Variants in NFAT5 observed in about 807,000 individuals in gnomAD.
The protein encoded by NFAT5 is nuclear factor of activated T-cells 5.
In NFAT5, 31 loss-of-function variants were observed where a neutral mutation model predicts 166.5. The ratio of observed to expected loss-of-function variants is 0.19; its 90% CI spans 0.14 to 0.25. The LOEUF is 0.25. Among genes scored for constraint, NFAT5 ranks in the 10% least tolerant of loss-of-function variants. The pLI is 1.00. For synonymous variants in NFAT5, 612 were observed against 639.7 expected (o/e 0.96, Z 0.65); for missense variants, 1,449 against 1,821.8 (o/e 0.80, Z 3.72).
At position 69,648,862 on chromosome 16, in the gene NFAT5, T is replaced by C. The variant is rs535680916; in HGVS notation, c.812+1276T>C. ...ATTCAGTTGAATATTATAGAGAATA[T>C]TCTTAATATATATTTAACTTGCCCT... On this transcript the variant is annotated intron_variant, in intron 4 of 14. Transcript: ENST00000349945. 183 of 921,308 alleles carry C rather than the reference T, an allele frequency of 2.0e-4. 2 individuals carry two copies. In the African/African-American group the frequency reaches 3.1e-3, roughly 16 times the overall value. The allele number at this position is 921,308 out of a possible 1,614,324, so 57.1% of individuals were successfully genotyped here.
chr16:69,651,055 A>G (rs1474648164), intron 4 of NFAT5, among the ~76,000 whole-genome samples: 1 of 152,224 alleles, frequency 6.6e-6, no homozygotes, highest in Non-Finnish European at 1.5e-5. Flanking sequence ...GACTTGCACA[A>G]GTAATCTTTG....
At chr16:69,588,980 CTTTTTTTTTTTTT>C (rs945918292) in intron 2 of NFAT5, among the ~76,000 whole-genome samples, 28 of 34,366 alleles carry the variant, frequency 8.1e-4, no homozygotes, top group East Asian at 5.3e-3. Context: ...TTTCCTACTT[CTTTTTTTTTTTTT>C]TTTTTTTTTT....
rs1037346698 is a variant in NFAT5, at chr16:69,697,368, T to C, written c.*1017T>C. On this transcript the variant is annotated 3_prime_UTR_variant, in exon 15 of 15. Coordinates refer to ENST00000349945, the MANE Select transcript of NFAT5 (RefSeq NM_138713.4). ...TGTCTTAGGAATTATTAGGAGTTGA[T>C]TCCTGAGAAACAACACATTTTTCCC... The C allele has an allele frequency of 6.6e-6, 1 of 152,140 alleles. No individual in the cohort carries two copies. Among genetic ancestry groups the C allele is most frequent in the Non-Finnish European group, 1.5e-5 (1 of 68,024 alleles). The allele number at this position is 152,140 out of a possible 1,614,324, so 9.4% of individuals were successfully genotyped here.
chr16:69,568,334 GTATA>G (rs371948858), intron 1 of NFAT5, among the ~76,000 whole-genome samples, 157 bp from the exon 2 acceptor site: 9,241 of 133,368 alleles, frequency 0.069, 379 homozygotes, highest in Middle Eastern at 0.12. Context: ...ATGTATGTGT[GTATA>G]TATATATATG....
At chr16:69,607,338 CTT>C (rs1385507010) in intron 2 of NFAT5, among the ~76,000 whole-genome samples, 1 of 152,256 alleles carries the variant, frequency 6.6e-6, no homozygotes, top group East Asian at 1.9e-4. Flanking sequence ...TGGTTGTAGA[CTT>C]TTCCAAGGAA....
intron 6 of NFAT5, among the ~76,000 whole-genome samples, chr16:69,657,057 C>T (rs2035911016): frequency 6.6e-6 from 1 of 151,938 alleles, no homozygotes; most frequent in Non-Finnish European, 1.5e-5. Context: ...ACTTGGTTTT[C>T]AGTTTTCTTT....
intron 4 of NFAT5, chr16:69,648,646 AATTTT>A (rs2035548427): frequency 2.1e-6 from 2 of 968,168 alleles, no homozygotes; most frequent in Non-Finnish European, 2.5e-6. Flanking sequence ...TTCCTTTAGT[AATTTT>A]ATTGTAATAT....
intron 11 of NFAT5, 191 bp downstream of exon 11, chr16:69,685,161 AAT>A (rs1265094756): frequency 4.7e-5 from 9 of 192,274 alleles, no homozygotes; most frequent in Non-Finnish European, 6.9e-5. Flanking sequence ...TTTCTTGCTG[AAT>A]ATGTTTTTAT....
chr16:69,567,439 A>G (rs942187964), intron 1 of NFAT5, among the ~76,000 whole-genome samples: 1 of 152,110 alleles, frequency 6.6e-6, no homozygotes, highest in African/African-American at 2.4e-5. Context: ...CAAAAGACAT[A>G]ACTGGGTTGT....
intron 2 of NFAT5, among the ~76,000 whole-genome samples, chr16:69,608,817 A>G (rs1567537536): frequency 6.7e-6 from 1 of 148,422 alleles, no homozygotes; most frequent in Non-Finnish European, 1.5e-5. Context: ...TTTTTCCTCT[A>G]GGTTGAAGAA....
intron 2 of NFAT5, among the ~76,000 whole-genome samples, chr16:69,612,446 G>C (rs1453697445): frequency 2.0e-5 from 3 of 152,148 alleles, no homozygotes; most frequent in Non-Finnish European, 2.9e-5. Context: ...GTATGGAAAG[G>C]AAGCATAAGT....
intron 2 of NFAT5, among the ~76,000 whole-genome samples, chr16:69,610,440 G>A (rs2151555563): frequency 6.6e-6 from 1 of 152,278 alleles, no homozygotes; most frequent in Middle Eastern, 3.4e-3. Flanking sequence ...ACTTAAGGTA[G>A]ATGATTTGCT....
chr16:69,656,491 G>A (rs1299300973), intron 6 of NFAT5, among the ~76,000 whole-genome samples: 1 of 147,414 alleles, frequency 6.8e-6, no homozygotes, highest in East Asian at 2.0e-4. Context: ...TCCGTCTGTC[G>A]CCCAGGCTGG....
chr16:69,685,411 G>T (rs1464196502), intron 11 of NFAT5: 3 of 151,766 alleles, frequency 2.0e-5, no homozygotes, highest in Non-Finnish European at 2.9e-5. Flanking sequence ...GCCAGGGGTG[G>T]TGGCAGGTGC....
intron 9 of NFAT5, among the ~76,000 whole-genome samples, chr16:69,673,107 G>A (rs1175482944): frequency 6.6e-6 from 1 of 151,860 alleles, no homozygotes; most frequent in Non-Finnish European, 1.5e-5. Flanking sequence ...AGCTACAGTA[G>A]GTTAAAGAAT....
intron 2 of NFAT5, among the ~76,000 whole-genome samples, chr16:69,616,935 A>C (rs576246119): frequency 6.7e-6 from 1 of 149,600 alleles, no homozygotes; most frequent in African/African-American, 2.5e-5. Flanking sequence ...TCTGAGTCCA[A>C]AGTTCTTTTT....
intron 2 of NFAT5, among the ~76,000 whole-genome samples, chr16:69,603,867 A>G (rs1243324097): frequency 2.0e-5 from 3 of 152,182 alleles, no homozygotes; most frequent in Non-Finnish European, 2.9e-5. Context: ...GATTTGAACA[A>G]TTTCCTTGCC....
At chr16:69,682,269 A>T (rs1355017453) in intron 10 of NFAT5, among the ~76,000 whole-genome samples, 1 of 151,276 alleles carries the variant, frequency 6.6e-6, no homozygotes, top group Non-Finnish European at 1.5e-5. Context: ...TGATTTCTAT[A>T]AGAAATGGGA....
At chr16:69,646,869 T>C (rs1396784629) in intron 3 of NFAT5, among the ~76,000 whole-genome samples, 159 bp from the exon 4 acceptor site, 1 of 152,230 alleles carries the variant, frequency 6.6e-6, no homozygotes, top group East Asian at 1.9e-4. Context: ...TCTTAGGCCT[T>C]ATATTGCTTG....
Sources: allele counts gnomAD v4.1 joint callset (sites outside exome capture counted in the v4.1 genomes callset), GRCh38; gene constraint gnomAD v4.1.1; transcripts MANE v1.5; gene names NCBI Gene and HGNC (gene_info 2026-07-23, HGNC 2026-07-21).